Variants in DCDC2 observed in about 807,000 individuals in gnomAD.
The protein encoded by DCDC2 is doublecortin domain containing 2, also known as doublecortin domain-containing protein 2.
DCDC2 carries 40 observed loss-of-function variants against 50.2 expected under a neutral mutation model. That is an observed-to-expected ratio of 0.80 (90% confidence interval 0.62 to 1.04). The LOEUF is 1.04. Ranked by LOEUF, DCDC2 falls within the 50% of genes least tolerant of loss-of-function variation. The pLI is 0.00. For missense variants in DCDC2, 570 were observed against 581.9 expected (o/e 0.98, Z 0.21); for synonymous variants, 234 against 210.6 (o/e 1.11, Z -0.96).
chr6:24,258,995 C>T (rs1443596348), intron 7 of DCDC2, among the ~76,000 whole-genome samples: 1 of 152,180 alleles, frequency 6.6e-6, no homozygotes, highest in Admixed American at 6.5e-5. Context: ...AAACTGTTCA[C>T]AGGAATAGTC....
intron 7 of DCDC2, among the ~76,000 whole-genome samples, chr6:24,257,027 C>A (rs1762909654): frequency 6.6e-6 from 1 of 152,128 alleles, no homozygotes; most frequent in Non-Finnish European, 1.5e-5. Context: ...ATATTGATTT[C>A]TTAAGTCAAA....
intron 2 of DCDC2, among the ~76,000 whole-genome samples, chr6:24,336,742 A>G (rs1397269214): frequency 6.6e-6 from 1 of 151,872 alleles, no homozygotes; most frequent in African/African-American, 2.4e-5. Context: ...TTTTTTCCAA[A>G]TACCCAGTCT....
the DCDC2 span, among the ~76,000 whole-genome samples, chr6:24,366,000 T>C: frequency 2.6e-5 from 4 of 152,108 alleles, no homozygotes; most frequent in East Asian, 7.8e-4. Context: ...GTATTTTTAG[T>C]AGAGACGGGC....
intron 6 of DCDC2, among the ~76,000 whole-genome samples, chr6:24,288,480 T>C (rs1763666080): frequency 1.3e-5 from 2 of 152,244 alleles, no homozygotes; most frequent in African/African-American, 2.4e-5. Flanking sequence ...ATGAGGATTA[T>C]ACCCCTTTTC....
At chr6:24,375,301 G>A in the DCDC2 span, among the ~76,000 whole-genome samples, 1 of 152,090 alleles carries the variant, frequency 6.6e-6, no homozygotes. Flanking sequence ...TCCCGAGAGG[G>A]ATCTCTTGCT....
At chr6:24,304,939 A>C (rs1759443963) in intron 2 of DCDC2, among the ~76,000 whole-genome samples, 1 of 152,320 alleles carries the variant, frequency 6.6e-6, no homozygotes, top group South Asian at 2.1e-4. Context: ...CTAGCAATGC[A>C]CTAAGCACAT....
At chr6:24,184,657 G>A (rs974054283) in intron 8 of DCDC2, among the ~76,000 whole-genome samples, 10 of 152,014 alleles carry the variant, frequency 6.6e-5, no homozygotes, top group African/African-American at 1.5e-4. Flanking sequence ...GTGTGATCTA[G>A]GAAAGAAACA....
intron 2 of DCDC2, among the ~76,000 whole-genome samples, chr6:24,336,498 C>CA (rs1366170080): frequency 6.6e-6 from 1 of 151,978 alleles, no homozygotes; most frequent in Non-Finnish European, 1.5e-5. Context: ...AAATATTTTC[C>CA]TTTTCATATA....
chr6:24,212,457 C>T (rs544845103), intron 7 of DCDC2, among the ~76,000 whole-genome samples: 1 of 152,296 alleles, frequency 6.6e-6, no homozygotes, highest in African/African-American at 2.4e-5. Flanking sequence ...TTCTCTTTCT[C>T]ATTCTCCTAC....
At chr6:24,266,803 A>G (rs1228749722) in intron 7 of DCDC2, among the ~76,000 whole-genome samples, 2 of 152,214 alleles carry the variant, frequency 1.3e-5, no homozygotes, top group Non-Finnish European at 2.9e-5. Flanking sequence ...TCCCACTGCT[A>G]GGGATATACC....
intron 8 of DCDC2, among the ~76,000 whole-genome samples, chr6:24,196,845 C>G (rs772060844): frequency 2.6e-5 from 4 of 152,184 alleles, no homozygotes; most frequent in Non-Finnish European, 4.4e-5. Flanking sequence ...TAATGCAGAT[C>G]ACCATTGTGG....
rs562631693 is a variant in DCDC2, at chr6:24,275,958, C to T, written c.922+2091G>A. Among the ~76,000 whole-genome samples, 12 of 149,956 alleles carry T rather than the reference C, an allele frequency of 8.0e-5. No individual in the cohort carries two copies. In the South Asian group the frequency reaches 1.9e-3, roughly 24 times the overall value. On this transcript the variant is annotated intron_variant, in intron 7 of 9. Transcript: ENST00000378454. The stretch of plus-strand genomic sequence containing the variant: ...GATCATGGCTCACTGCAGCCTCAGC[C>T]GCCTGGGCTCAAGTGTTCCTCCCAC...
intron 8 of DCDC2, among the ~76,000 whole-genome samples, chr6:24,179,547 CAAAAAAAAAAAAAAA>C (rs56731018): frequency 2.8e-4 from 14 of 49,596 alleles, no homozygotes; most frequent in Admixed American, 1.4e-3. Context: ...GACACCATCT[CAAAAAAAAAAAAAAA>C]AAAAAAAAAA....
At position 24,185,688 on chromosome 6, in the gene DCDC2, T is replaced by TACACACAC. The variant is rs35379687; in HGVS notation, c.1024-7064_1024-7057dup. Among the ~76,000 whole-genome samples the TACACACAC allele has an allele frequency of 4.8e-3, 689 of 143,946 alleles. 4 individuals carry two copies. The highest frequency in any genetic ancestry group is 7.2e-3 in the Non-Finnish European group (474 of 65,410). The allele number at this position is 143,946 out of a possible 152,430, so 94.4% of individuals were successfully genotyped here. On this transcript the variant is annotated intron_variant, in intron 8 of 9. Transcript: ENST00000378454. ...CGGGTTTTACACCCATCCATACACA[T>TACACACAC]ACACACACACACACACACACACACA...
chr6:24,311,883 A>ATG (rs1371635285), intron 2 of DCDC2, among the ~76,000 whole-genome samples: 2 of 152,198 alleles, frequency 1.3e-5, no homozygotes, highest in African/African-American at 4.8e-5. Context: ...GTACAACCTG[A>ATG]TGTCAGGCCT....
At chr6:24,347,892 A>T (rs940240223) in intron 2 of DCDC2, among the ~76,000 whole-genome samples, 1 of 152,218 alleles carries the variant, frequency 6.6e-6, no homozygotes, top group African/African-American at 2.4e-5. Context: ...AAAAATCGGA[A>T]TAACCAGGCA....
At chr6:24,325,572 T>G (rs1163601058) in intron 2 of DCDC2, among the ~76,000 whole-genome samples, 10 of 149,648 alleles carry the variant, frequency 6.7e-5, no homozygotes, top group Non-Finnish European at 1.5e-4. Flanking sequence ...CACATTAGCA[T>G]CATCATGTTC....
intron 7 of DCDC2, among the ~76,000 whole-genome samples, chr6:24,254,099 G>T (rs148839201): frequency 6.6e-6 from 1 of 152,064 alleles, no homozygotes; most frequent in East Asian, 1.9e-4. Flanking sequence ...CACATTAGCC[G>T]AGGCCTACAC....
At chr6:24,182,146 T>C (rs1279692061) in intron 8 of DCDC2, among the ~76,000 whole-genome samples, 1 of 152,148 alleles carries the variant, frequency 6.6e-6, no homozygotes, top group Non-Finnish European at 1.5e-5. Flanking sequence ...ACCTAACATA[T>C]GTACAAAAAA....
Sources: gnomAD v4.1 joint callset for allele counts (sites outside exome capture counted in the v4.1 genomes callset) on GRCh38, gnomAD v4.1.1 for gene constraint, MANE v1.5 for transcripts, NCBI Gene and HGNC (gene_info 2026-07-23, HGNC 2026-07-21) for gene names.